GAD2: variants seen among roughly 807,000 people sequenced by gnomAD.
GAD2 encodes the protein 65 kDa glutamic acid decarboxylase.
In GAD2, 22 loss-of-function variants were observed where a neutral mutation model predicts 80.1. The ratio of observed to expected loss-of-function variants is 0.27; its 90% CI spans 0.20 to 0.39. The LOEUF (loss-of-function observed/expected upper bound fraction) is 0.39. GAD2 is among the 10% of genes least tolerant of loss of function. GAD2 has a pLI of 1.00. For synonymous variants in GAD2, 274 were observed against 256.9 expected, an observed-to-expected ratio of 1.07 and a Z score of -0.64; for missense variants, 624 against 738.4, an observed-to-expected ratio of 0.85 and a Z score of 1.80.
chr10:26,252,437 G>C (rs1344459215), intron 8 of GAD2, among the ~76,000 whole-genome samples: 1 of 151,926 alleles, frequency 6.6e-6, no homozygotes, highest in African/African-American at 2.4e-5. Flanking sequence ...CTGCCTCCCA[G>C]GTTCAAGAGA....
intron 11 of GAD2, among the ~76,000 whole-genome samples, chr10:26,278,116 T>C (rs928732868): frequency 1.3e-5 from 2 of 152,076 alleles, no homozygotes; most frequent in Non-Finnish European, 2.9e-5. Flanking sequence ...CAGTGACAGG[T>C]AGTTGGGGGC....
At chr10:26,248,635 C>A (rs1453558743) in intron 8 of GAD2, among the ~76,000 whole-genome samples, 1 of 152,188 alleles carries the variant, frequency 6.6e-6, no homozygotes, top group African/African-American at 2.4e-5. Flanking sequence ...CTTGAAGGAA[C>A]TCGTTTCCCT....
At chr10:26,254,289 G>A (rs975334932) in intron 8 of GAD2, among the ~76,000 whole-genome samples, 7 of 152,090 alleles carry the variant, frequency 4.6e-5, no homozygotes, top group African/African-American at 1.2e-4. Flanking sequence ...TGCCCGCCTC[G>A]ACCTCCCAAA....
chr10:26,242,559 A>G (rs1269983398), intron 7 of GAD2, among the ~76,000 whole-genome samples: 1 of 152,112 alleles, frequency 6.6e-6, no homozygotes, highest in African/African-American at 2.4e-5. Context: ...CTTCCTCTCC[A>G]TGGATTCCTT....
intron 15 of GAD2, among the ~76,000 whole-genome samples, chr10:26,297,151 G>C (rs1026848211): frequency 6.6e-6 from 1 of 151,932 alleles, no homozygotes; most frequent in Non-Finnish European, 1.5e-5. Flanking sequence ...GGTCTCGAAC[G>C]CCTGACCTTA....
At chr10:26,259,936 C>T (rs577299410) in intron 8 of GAD2, among the ~76,000 whole-genome samples, 2 of 152,142 alleles carry the variant, frequency 1.3e-5, no homozygotes, top group East Asian at 3.9e-4. Context: ...ACATAATTCT[C>T]CTATTCCGGA....
intron 8 of GAD2, among the ~76,000 whole-genome samples, chr10:26,264,140 GTT>G (rs1845040643): frequency 6.6e-6 from 1 of 152,132 alleles, no homozygotes; most frequent in African/African-American, 2.4e-5. Context: ...GTTAGGCAGA[GTT>G]TGCTTAATAT....
At chr10:26,292,018 C>G (rs998715296) in intron 13 of GAD2, among the ~76,000 whole-genome samples, 1 of 152,160 alleles carries the variant, frequency 6.6e-6, no homozygotes, top group Non-Finnish European at 1.5e-5. Flanking sequence ...ATCAGGTACA[C>G]TGGCAGACAA....
At chr10:26,273,882 A>T (rs1457849685) in intron 11 of GAD2, among the ~76,000 whole-genome samples, 182 bp downstream of exon 11, 1 of 152,182 alleles carries the variant, frequency 6.6e-6, no homozygotes, top group Non-Finnish European at 1.5e-5. Context: ...AAAATCAAAT[A>T]TGTAAATATT....
intron 6 of GAD2, among the ~76,000 whole-genome samples, chr10:26,228,094 C>T (rs145897069): frequency 7.4e-4 from 113 of 152,380 alleles, no homozygotes; most frequent in Middle Eastern, 3.4e-3. Flanking sequence ...ACAACACTCA[C>T]GTGACGGCAG....
chr10:26,272,115 A>G (rs1051640959), intron 10 of GAD2, among the ~76,000 whole-genome samples: 1 of 152,112 alleles, frequency 6.6e-6, no homozygotes, highest in Non-Finnish European at 1.5e-5. Flanking sequence ...AGCTGGGTGC[A>G]TTTCCATTAT....
intron 15 of GAD2, 89 bp downstream of exon 15, chr10:26,293,080 G>A: frequency 9.4e-7 from 1 of 1,059,270 alleles, no homozygotes; most frequent in African/African-American, 1.6e-5. Flanking sequence ...GGCCTTAGGA[G>A]ACAGCCTACC....
chr10:26,270,010 T>G (rs1424648262), intron 9 of GAD2, among the ~76,000 whole-genome samples: 2 of 152,188 alleles, frequency 1.3e-5, no homozygotes, highest in Non-Finnish European at 2.9e-5. Context: ...CCTTATGGAA[T>G]GAGGGACTAT....
intron 7 of GAD2, among the ~76,000 whole-genome samples, chr10:26,230,593 GCTGA>G (rs989542980): frequency 1.3e-5 from 2 of 152,000 alleles, no homozygotes; most frequent in African/African-American, 4.8e-5. Context: ...TATCACCATG[GCTGA>G]CTAATTTTTC....
intron 15 of GAD2, among the ~76,000 whole-genome samples, chr10:26,293,622 C>G (rs184111125): frequency 1.8e-4 from 27 of 152,340 alleles, no homozygotes; most frequent in African/African-American, 6.3e-4. Flanking sequence ...CCAAGTGAAA[C>G]TGGTGCTCAG....
chr10:26,227,600 A>G (rs1458003764), intron 6 of GAD2, among the ~76,000 whole-genome samples: 1 of 152,222 alleles, frequency 6.6e-6, no homozygotes, highest in Admixed American at 6.5e-5. Context: ...CACAAGGGAC[A>G]TTTGGCAATA....
chr10:26,240,700 C>T (rs1181061772), intron 7 of GAD2, among the ~76,000 whole-genome samples: 1 of 150,276 alleles, frequency 6.7e-6, no homozygotes, highest in Non-Finnish European at 1.5e-5. Context: ...CCACTGCACT[C>T]CAGCCTGGGC....
At chr10:26,272,719 C>T (rs1845150280) in intron 10 of GAD2, among the ~76,000 whole-genome samples, 4 of 152,050 alleles carry the variant, frequency 2.6e-5, no homozygotes, top group Non-Finnish European at 2.9e-5. Flanking sequence ...CAAAAATTAG[C>T]CAGGCATGGT....
chr10:26,281,138 C>T, intron 12 of GAD2, 51 bp downstream of exon 12: 1 of 1,309,814 alleles, frequency 7.6e-7, no homozygotes. Context: ...CTTTGACTGT[C>T]TTTATGCGGT....
Sources: allele counts gnomAD v4.1 joint callset (sites outside exome capture counted in the v4.1 genomes callset), GRCh38; gene constraint gnomAD v4.1.1; transcripts MANE v1.5; gene names NCBI Gene and HGNC (gene_info 2026-07-23, HGNC 2026-07-21).